SIPA1L1: variants seen among roughly 807,000 people sequenced by gnomAD.
SIPA1L1 encodes the protein signal induced proliferation associated 1 like 1, also known as signal-induced proliferation-associated 1-like protein 1.
Under a neutral mutation model 162.7 loss-of-function variants are expected in SIPA1L1, and 26 were observed. That is an observed-to-expected ratio of 0.16 (90% CI 0.12 to 0.22). The LOEUF (loss-of-function observed/expected upper bound fraction) is 0.22, where lower values mean the gene tolerates loss of function less well. SIPA1L1 is among the 10% of genes least tolerant of loss of function. SIPA1L1 has a pLI of 1.00. For missense variants in SIPA1L1, 1,874 were observed against 2,241.0 expected (o/e 0.84, Z 3.31); for synonymous variants, 829 against 837.4 (o/e 0.99, Z 0.17).
At chr14:71,539,397 C>T (rs902138317) in intron 4 of SIPA1L1, among the ~76,000 whole-genome samples, 1 of 152,086 alleles carries the variant, frequency 6.6e-6, no homozygotes, top group Non-Finnish European at 1.5e-5. Flanking sequence ...AGCTACTTCT[C>T]GATTAGGCCA....
At position 71,590,029 on chromosome 14, in the gene SIPA1L1, AAAAAAAAAAAAAAAAATATATATAT is replaced by A. The variant is rs1339647698; in HGVS notation, c.1498+661_1498+685del. On this transcript the variant is annotated intron_variant, in intron 5 of 23. Coordinates refer to ENST00000381232, the MANE Select transcript of SIPA1L1 (RefSeq NM_001386936.1). ...TTCTTTGAGTGGGAGAGTAAAAAAA[AAAAAAAAAAAAAAAAATATATATAT>A]ATATATATATATATATATATATGTA... 1.3e-3 allele frequency among the ~76,000 whole-genome samples: 82 copies of A among 61,046 alleles called. 1 individual carries two copies. Among genetic ancestry groups the A allele is most frequent in the African/African-American group, 5.5e-3 (80 of 14,458 alleles). 40.0% of individuals were successfully genotyped at this position (61,046 alleles called of 152,430 possible).
chr14:71,446,894 GTTTTTTTTT>G (rs765106790), intron 2 of SIPA1L1, among the ~76,000 whole-genome samples: 3 of 87,406 alleles, frequency 3.4e-5, no homozygotes, highest in African/African-American at 4.4e-5. Context: ...GATGGGCTCT[GTTTTTTTTT>G]TTGTTTTTTT....
intron 4 of SIPA1L1, among the ~76,000 whole-genome samples, chr14:71,562,120 A>T (rs1012704014): frequency 4.0e-5 from 6 of 151,830 alleles, no homozygotes; most frequent in Non-Finnish European, 8.8e-5. Context: ...TTTTATTCAT[A>T]ATATATATAC....
chr14:71,567,838 G>A (rs2031047773), intron 4 of SIPA1L1, among the ~76,000 whole-genome samples: 1 of 151,508 alleles, frequency 6.6e-6, no homozygotes, highest in East Asian at 1.9e-4. Flanking sequence ...TTATTCATGA[G>A]TTTTCTGGGA....
At chr14:71,691,088 G>A (rs1169394434) in intron 13 of SIPA1L1, among the ~76,000 whole-genome samples, 1 of 152,150 alleles carries the variant, frequency 6.6e-6, no homozygotes, top group African/African-American at 2.4e-5. Flanking sequence ...CTCCACACAT[G>A]TTCCTGCCAT....
intron 14 of SIPA1L1, among the ~76,000 whole-genome samples, chr14:71,701,030 AAAAAG>A (rs2082061878): frequency 7.8e-6 from 1 of 128,756 alleles, no homozygotes; most frequent in African/African-American, 3.1e-5. Flanking sequence ...AAAAAAAAAA[AAAAAG>A]TTTTATTAAG....
chr14:71,485,874 T>C (rs149815727), intron 2 of SIPA1L1, among the ~76,000 whole-genome samples: 32 of 152,120 alleles, frequency 2.1e-4, no homozygotes, highest in African/African-American at 6.5e-4. Context: ...AAGGAAGCTT[T>C]TGTAAATTGC....
At position 71,709,316 on chromosome 14, in the gene SIPA1L1, G is replaced by A. The variant is rs773744188; in HGVS notation, c.3860G>A (p.Arg1287His). The A allele has an allele frequency of 1.2e-5, 20 of 1,614,004 alleles. No individual in the cohort carries two copies. Among genetic ancestry groups the A allele is most frequent in the Admixed American group, 3.3e-5 (2 of 60,006 alleles). ...GATGAGAAGTGGTACGATGGGGACC[G>A]CACAGAATCCGAACTCAACAGCTAT... Reference protein sequence around the residue: ...HSDEKWYDGDRTESELNSYNY... With the variant: ...HSDEKWYDGDHTESELNSYNY... Residue 1287 changes from arginine to histidine, a missense_variant, in exon 17 of 24, where the codon CGC becomes CAC. Arg to His is a conservative substitution (Grantham distance 29). Around this residue, in one of 5 missense-constraint regions of SIPA1L1, gnomAD observed 936 missense variants for 1,051.9 expected, o/e 0.89. Transcript: ENST00000381232.
chr14:71,329,679 A>G lies in SIPA1L1; in HGVS notation c.-465+8498A>G, dbSNP rs182294577. On this transcript the variant is annotated intron_variant, in intron 2 of 23. Coordinates refer to ENST00000381232, the MANE Select transcript of SIPA1L1 (RefSeq NM_001386936.1). ...TAGTATCTCATTATGATTTTGATAT[A>G]TGTTTCTCTGATGATTGATGAAGTT... Among the ~76,000 whole-genome samples, 77 of 152,200 alleles carry G rather than the reference A, an allele frequency of 5.1e-4. 1 individual carries two copies. The highest frequency in any genetic ancestry group is 1.7e-3 in the African/African-American group (71 of 41,540).
intron 19 of SIPA1L1, among the ~76,000 whole-genome samples, chr14:71,729,676 C>G (rs1337495860): frequency 1.3e-5 from 2 of 152,098 alleles, no homozygotes; most frequent in Non-Finnish European, 2.9e-5. Context: ...TTTTGTGCTC[C>G]CGTTGTACAA....
chr14:71,713,825 C>T (rs78302100), intron 17 of SIPA1L1, among the ~76,000 whole-genome samples: 2,965 of 152,214 alleles, frequency 0.019, 94 homozygotes, highest in African/African-American at 0.067. Context: ...TTAGAAGTTA[C>T]TCCGTTGTCT....
Position 71,730,428 on chromosome 14 carries a change from G to A in SIPA1L1, c.4861+127G>A, listed in dbSNP as rs2084660364. 10 of 1,078,416 alleles carry A rather than the reference G, an allele frequency of 9.3e-6. No individual in the cohort carries two copies. In the Admixed American group the frequency reaches 1.3e-4, roughly 14 times the overall value. 66.8% of individuals were successfully genotyped at this position (1,078,416 alleles called of 1,614,324 possible). On this transcript the variant is annotated intron_variant, in intron 20 of 23. Coordinates refer to ENST00000381232, the MANE Select transcript of SIPA1L1 (RefSeq NM_001386936.1). ...ATGCTCAGATGGTCTCAGCTCACCCGCCCCTTCCTCATTTGCCCTCTCTCT... is the reference window on the plus strand; with the variant it reads ...ATGCTCAGATGGTCTCAGCTCACCCACCCCTTCCTCATTTGCCCTCTCTCT...
chr14:71,456,185 G>T (rs922047232), intron 2 of SIPA1L1, among the ~76,000 whole-genome samples: 1 of 152,136 alleles, frequency 6.6e-6, no homozygotes, highest in African/African-American at 2.4e-5. Flanking sequence ...TTGTTGTGTG[G>T]TATAACTGCA....
At chr14:71,322,283 A>G (rs1355164501) in intron 2 of SIPA1L1, among the ~76,000 whole-genome samples, 1 of 152,202 alleles carries the variant, frequency 6.6e-6, no homozygotes, top group Non-Finnish European at 1.5e-5. Flanking sequence ...GTTTTCTCCT[A>G]TGGAGTATCC....
In SIPA1L1 at chr14:71,377,677, C is replaced by A. The variant is rs867419666; in HGVS notation, c.-465+56496C>A. ...CTGAGATCACGCCACTGCACTCCAG[C>A]GTGGGCAACATTGAGCACTGAGTGA... On this transcript the variant is annotated intron_variant, in intron 2 of 23. Transcript: ENST00000381232. This position sits in a 1 kb window ranked among gnomAD's most constrained non-coding sequence, Gnocchi z 4.8. Among the ~76,000 whole-genome samples the A allele has an allele frequency of 1.3e-5, 2 of 152,184 alleles. No individual in the cohort carries two copies. Among genetic ancestry groups the A allele is most frequent in the Admixed American group, 1.3e-4 (2 of 15,282 alleles).
chr14:71,735,473 G>A (rs1291155039), intron 22 of SIPA1L1, 82 bp downstream of exon 22: 4 of 956,804 alleles, frequency 4.2e-6, no homozygotes, highest in Non-Finnish European at 6.7e-6. Context: ...AGAGATGGAA[G>A]CCACACGGAG....
chr14:71,622,416 C>T (rs1200147083), intron 6 of SIPA1L1, among the ~76,000 whole-genome samples: 2 of 152,132 alleles, frequency 1.3e-5, no homozygotes, highest in African/African-American at 2.4e-5. Context: ...ATGAGCCATT[C>T]TTTTTCTCAT....
intron 14 of SIPA1L1, among the ~76,000 whole-genome samples, chr14:71,701,426 A>G (rs375753335): frequency 6.8e-6 from 1 of 147,556 alleles, no homozygotes; most frequent in East Asian, 2.0e-4. Flanking sequence ...TCTGTTGCCC[A>G]GGCAGGTCTT....
intron 4 of SIPA1L1, among the ~76,000 whole-genome samples, chr14:71,563,808 G>C (rs181797480): frequency 3.0e-4 from 45 of 152,280 alleles, no homozygotes; most frequent in Admixed American, 1.2e-3. Context: ...AGCAATCTTA[G>C]GCAGTGGTCC....
Sources: gnomAD v4.1 joint callset for allele counts (sites outside exome capture counted in the v4.1 genomes callset) on GRCh38, gnomAD v4.1.1 for gene constraint, gnomAD v4.1.1 regional missense constraint, Gnocchi (gnomAD v3.1) non-coding constraint, MANE v1.5 for transcripts, NCBI Gene and HGNC (gene_info 2026-07-23, HGNC 2026-07-21) for gene names.